The following TTLL6 variants were observed in gnomAD, a reference collection of about 807,000 sequenced individuals.
The protein encoded by TTLL6 is tubulin polyglutamylase TTLL6.
Under a neutral mutation model 96.4 loss-of-function variants are expected in TTLL6, and 75 were observed. The ratio of observed to expected loss-of-function variants is 0.78; its 90% confidence interval spans 0.65 to 0.94. TTLL6 has a LOEUF of 0.94. TTLL6 is among the 40% of genes least tolerant of loss of function. TTLL6 has a pLI of 0.00. For synonymous variants in TTLL6, 411 were observed against 419.4 expected, an observed-to-expected ratio of 0.98 and a Z score of 0.24; for missense variants, 1,030 against 1,093.0, an observed-to-expected ratio of 0.94 and a Z score of 0.81.
chr17:48,802,471 T>C (rs1307849978), intron 3 of TTLL6, among the ~76,000 whole-genome samples: 2 of 152,232 alleles, frequency 1.3e-5, no homozygotes, highest in Non-Finnish European at 2.9e-5. Context: ...AAGTAGGAGC[T>C]GACTCCAACA....
chr17:48,792,741 T>C (rs891207820), intron 8 of TTLL6, among the ~76,000 whole-genome samples: 3 of 152,162 alleles, frequency 2.0e-5, no homozygotes, highest in South Asian at 2.1e-4. Context: ...GGATACTCAA[T>C]ATAGAGGCCA....
chr17:48,783,103 C>T (rs2039019692), intron 13 of TTLL6, among the ~76,000 whole-genome samples: 1 of 152,124 alleles, frequency 6.6e-6, no homozygotes, highest in Admixed American at 6.6e-5. Flanking sequence ...TGCCTAAGCA[C>T]TGTTTTAGAA....
rs1158398849 is a variant in TTLL6, at chr17:48,797,142, G to T, written c.831C>A (p.Asp277Glu). 8.4e-6 allele frequency: 13 copies of T among 1,551,428 alleles called. No individual in the cohort carries two copies. The highest frequency in any genetic ancestry group is 1.4e-5 in the African/African-American group (1 of 73,010). Residue 277 changes from aspartate (D) to glutamate (E), a missense_variant, in exon 7 of 16, where the codon GAC (aspartate) becomes GAA (glutamate). Coordinates refer to ENST00000393382, the MANE Select transcript of TTLL6 (RefSeq NM_001130918.3). Reference sequence around the variant, plus strand: ...CATTGTACACAAAAATCCTGAGAGGGTCACAGGATGTCACCAGTACATAAA... The same window carrying T: ...CATTGTACACAAAAATCCTGAGAGGTTCACAGGATGTCACCAGTACATAAA... ...LRIYVLVTSC[D>E]PLRIFVYNEG...
chr17:48,797,348 G>T, intron 6 of TTLL6, 144 bp from the exon 7 acceptor site: 1 of 858,122 alleles, frequency 1.2e-6, no homozygotes, highest in Non-Finnish European at 1.7e-6. Flanking sequence ...TCAGAGAGAG[G>T]AACAAGGAGA....
At chr17:48,810,717 T>C (rs138782028) in intron 1 of TTLL6, among the ~76,000 whole-genome samples, 523 of 150,014 alleles carry the variant, frequency 3.5e-3, no homozygotes, top group Non-Finnish European at 5.5e-3. Flanking sequence ...CAAAAAAACC[T>C]ATGTGTATAT....
chr17:48,812,067 C>G (rs950236324), intron 1 of TTLL6: 3 of 98,996 alleles, frequency 3.0e-5, no homozygotes, highest in Admixed American at 1.9e-4. Flanking sequence ...TGCTGGGACC[C>G]CCCCCCCCAC....
chr17:48,798,703 C>T (rs1027883022), intron 6 of TTLL6, among the ~76,000 whole-genome samples: 1 of 151,854 alleles, frequency 6.6e-6, no homozygotes, highest in Non-Finnish European at 1.5e-5. Flanking sequence ...TGTGCCACTG[C>T]GCTCCAGCCA....
chr17:48,774,140 A>T (rs2038816885), intron 13 of TTLL6, among the ~76,000 whole-genome samples: 1 of 149,570 alleles, frequency 6.7e-6, no homozygotes, highest in Non-Finnish European at 1.5e-5. Flanking sequence ...ATCCAAAGCA[A>T]GCAGAAGGCA....
intron 13 of TTLL6, among the ~76,000 whole-genome samples, chr17:48,776,058 G>A (rs1179628010): frequency 1.3e-5 from 2 of 152,014 alleles, no homozygotes; most frequent in African/African-American, 4.8e-5. Context: ...GTGCAATAAA[G>A]CAAGAAAAAT....
At chr17:48,793,669 G>A (rs1043215484) in intron 8 of TTLL6, among the ~76,000 whole-genome samples, 1 of 151,982 alleles carries the variant, frequency 6.6e-6, no homozygotes, top group African/African-American at 2.4e-5. Context: ...TAGTGGGTAA[G>A]GGCACCAACT....
chr17:48,795,644 C>G (rs1169488921), intron 8 of TTLL6, among the ~76,000 whole-genome samples: 1 of 152,194 alleles, frequency 6.6e-6, no homozygotes, highest in Non-Finnish European at 1.5e-5. Flanking sequence ...ATTTGAGAAT[C>G]TCTAATGGAG....
At chr17:48,791,057 G>A (rs1419024380) in intron 9 of TTLL6, among the ~76,000 whole-genome samples, 3 of 152,180 alleles carry the variant, frequency 2.0e-5, no homozygotes, top group African/African-American at 7.2e-5. Flanking sequence ...TGCCAACCCA[G>A]CTTTGATGAA....
At chr17:48,779,406 G>T (rs2038946482) in intron 13 of TTLL6, among the ~76,000 whole-genome samples, 1 of 127,330 alleles carries the variant, frequency 7.9e-6, no homozygotes, top group African/African-American at 2.9e-5. Flanking sequence ...CGTTGACAAA[G>T]ATATGGAGCT....
At position 48,769,713 on chromosome 17, in the gene TTLL6, C is replaced by T. The variant is rs546584451; in HGVS notation, c.2410+15G>A. On this transcript the variant is annotated intron_variant, in intron 14 of 15. Transcript: ENST00000393382. Reference sequence around the variant, plus strand: ...TTTAAGCTCCTGGCACATCCCTGTACACACTGGCACTCACGTGACAGGTTA... The same window carrying T: ...TTTAAGCTCCTGGCACATCCCTGTATACACTGGCACTCACGTGACAGGTTA... 3.7e-6 allele frequency: 6 copies of T among 1,612,008 alleles called. No individual in the cohort carries two copies. The South Asian group carries it at 4.4e-5, about 12-fold the overall frequency.
At chr17:48,766,867 T>G (rs762965976) in intron 15 of TTLL6, among the ~76,000 whole-genome samples, 5 of 152,164 alleles carry the variant, frequency 3.3e-5, no homozygotes, top group Admixed American at 2.0e-4. Flanking sequence ...TGTAACAGGC[T>G]CCTCTGCCCA....
In TTLL6 at chr17:48,769,936, G is replaced by A. The variant is rs1236553292; in HGVS notation, c.2202C>T (p.His734=). 4.3e-6 allele frequency: 7 copies of A among 1,614,078 alleles called. No homozygotes were observed. Among genetic ancestry groups the A allele is most frequent in the Non-Finnish European group, 4.2e-6 (5 of 1,180,052 alleles). Residue 734 remains histidine (H), a synonymous_variant, in exon 14 of 16, where the codon CAC becomes CAT. Coordinates refer to ENST00000393382, the MANE Select transcript of TTLL6 (RefSeq NM_001130918.3). The stretch of plus-strand genomic sequence containing the variant: ...ATTTTAACATTTTCTTCTGGGTTAA[G>A]TGTGGAGGGGTCTGCTGCTTCTTGC... ...FKCKKQQTPP[H]LTQKKMLKSF... is the part of the protein sequence containing the mutation.
At chr17:48,781,395 C>T (rs1368054215) in intron 13 of TTLL6, among the ~76,000 whole-genome samples, 3 of 152,112 alleles carry the variant, frequency 2.0e-5, no homozygotes, top group Non-Finnish European at 4.4e-5. Context: ...TTAGAGGCTG[C>T]AGCATTTTAC....
intron 3 of TTLL6, among the ~76,000 whole-genome samples, chr17:48,803,260 C>T (rs1466872097): frequency 1.1e-4 from 16 of 151,928 alleles, no homozygotes; most frequent in African/African-American, 3.9e-4. Context: ...TTTGGGAGGC[C>T]GAGGCGGGTG....
At chr17:48,775,666 T>C (rs2038855772) in intron 13 of TTLL6, among the ~76,000 whole-genome samples, 1 of 151,972 alleles carries the variant, frequency 6.6e-6, no homozygotes, top group African/African-American at 2.4e-5. Flanking sequence ...CCCACCCTCC[T>C]GAGTAGCTGA....
Sources: allele counts gnomAD v4.1 joint callset (sites outside exome capture counted in the v4.1 genomes callset), GRCh38; gene constraint gnomAD v4.1.1; transcripts MANE v1.5; gene names NCBI Gene and HGNC (gene_info 2026-07-23, HGNC 2026-07-21).